The following ACOX3 variants were observed in gnomAD, a reference collection of about 807,000 sequenced individuals.
ACOX3 encodes the protein acyl-CoA oxidase 3, pristanoyl, also known as peroxisomal acyl-coenzyme A oxidase 3.
In ACOX3, 73 loss-of-function variants were observed where a neutral mutation model predicts 81.5. The observed-to-expected ratio is 0.90, with a 90% CI of 0.74 to 1.09. The LOEUF is 1.09. Ranked by LOEUF, ACOX3 falls within the 50% of genes least tolerant of loss-of-function variation. ACOX3 has a pLI of 0.00. For synonymous variants in ACOX3, 387 were observed against 375.1 expected, an observed-to-expected ratio of 1.03 and a Z score of -0.37; for missense variants, 947 against 928.0, an observed-to-expected ratio of 1.02 and a Z score of -0.27.
intron 11 of ACOX3, among the ~76,000 whole-genome samples, chr4:8,390,762 C>G (rs1173985312): frequency 6.6e-6 from 1 of 152,094 alleles, no homozygotes; most frequent in African/African-American, 2.4e-5. Flanking sequence ...ACTGATGGAT[C>G]CTGAGAGCAT....
chr4:8,425,038 G>C (rs943361436), intron 1 of ACOX3, among the ~76,000 whole-genome samples: 1 of 152,200 alleles, frequency 6.6e-6, no homozygotes, highest in African/African-American at 2.4e-5. Context: ...TGCTTACCTA[G>C]TCCTCCATGC....
chr4:8,372,531 C>T (rs1716344574), intron 16 of ACOX3, among the ~76,000 whole-genome samples: 1 of 152,202 alleles, frequency 6.6e-6, no homozygotes, highest in Admixed American at 6.5e-5. Context: ...TAAAATTTGG[C>T]TCTTGGAGGA....
At chr4:8,424,732 GA>G (rs1485756284) in intron 1 of ACOX3, among the ~76,000 whole-genome samples, 6 of 152,350 alleles carry the variant, frequency 3.9e-5, no homozygotes, top group Middle Eastern at 3.4e-3. Flanking sequence ...TCCAGACAAT[GA>G]AGAAAAGATA....
chr4:8,365,238 G>A (rs896447741), downstream of ACOX3, among the ~76,000 whole-genome samples: 1 of 152,336 alleles, frequency 6.6e-6, no homozygotes, highest in African/African-American at 2.4e-5. Context: ...CACCACTGAC[G>A]TGTTCTCTGG....
intron 1 of ACOX3, among the ~76,000 whole-genome samples, chr4:8,425,218 C>T (rs1321626035): frequency 6.6e-6 from 1 of 151,956 alleles, no homozygotes; most frequent in Non-Finnish European, 1.5e-5. Flanking sequence ...AGAAGGGAAC[C>T]GCGAAGCAGA....
chr4:8,420,901 T>C (rs1382060146), intron 1 of ACOX3, among the ~76,000 whole-genome samples: 2 of 152,222 alleles, frequency 1.3e-5, no homozygotes, highest in African/African-American at 2.4e-5. Context: ...GCTAAGTGCC[T>C]GGGTTCGTCC....
Position 8,401,797 on chromosome 4 carries a change from G to A in ACOX3, c.777-2145C>T, listed in dbSNP as rs557131476. Among the ~76,000 whole-genome samples, 4 of 152,282 alleles carry A rather than the reference G, an allele frequency of 2.6e-5. No individual in the cohort carries two copies. In the South Asian group the frequency reaches 6.2e-4, roughly 24 times the overall value. ...TGGTCCTGCCTGCCTGTGGTGCCCC[G>A]TCCACCAGGTTCTCTCCTGGCCTCA... On this transcript the variant is annotated intron_variant, in intron 7 of 17. Coordinates refer to ENST00000356406, the MANE Select transcript of ACOX3 (RefSeq NM_003501.3).
chr4:8,362,293 T>C (rs1715244957), downstream of ACOX3, among the ~76,000 whole-genome samples: 1 of 152,264 alleles, frequency 6.6e-6, no homozygotes, highest in South Asian at 2.1e-4. Context: ...GTAATGTTTT[T>C]AACTTTACTT....
rs969990642 is a variant in ACOX3, at chr4:8,381,742, G to A, written c.1538-135C>T. The A allele has an allele frequency of 7.5e-6, 5 of 664,356 alleles. No individual in the cohort carries two copies. Among genetic ancestry groups the A allele is most frequent in the Non-Finnish European group, 1.3e-5 (5 of 388,270 alleles). The allele number at this position is 664,356 out of a possible 1,614,324, so 41.2% of individuals were successfully genotyped here. ...TCTTCATTGACAACCAAGTGTATGGGGTGGGTCTGATTTTATAGGTAGGGA... is the reference window on the plus strand; with the variant it reads ...TCTTCATTGACAACCAAGTGTATGGAGTGGGTCTGATTTTATAGGTAGGGA... On this transcript the variant is annotated intron_variant, in intron 13 of 17. Transcript: ENST00000356406. This position sits in a 1 kb window ranked among gnomAD's most constrained non-coding sequence, Gnocchi z 4.3.
At chr4:8,412,810 G>A (rs554163211) in intron 5 of ACOX3, among the ~76,000 whole-genome samples, 4 of 152,010 alleles carry the variant, frequency 2.6e-5, no homozygotes, top group South Asian at 2.1e-4. Flanking sequence ...ATCCTCCCTC[G>A]CTGCCCTGCG....
At chr4:8,355,806 A>G in the ACOX3 span, 1 of 152,920 alleles carries the variant, frequency 6.5e-6, no homozygotes, top group African/African-American at 2.4e-5. Flanking sequence ...GCTGTGCTTA[A>G]TATGTACAAA....
At chr4:8,359,034 A>G in the ACOX3 span, among the ~76,000 whole-genome samples, 5 of 152,132 alleles carry the variant, frequency 3.3e-5, no homozygotes, top group African/African-American at 1.2e-4. This position sits in a 1 kb window ranked among gnomAD's most constrained non-coding sequence, Gnocchi z 6.0. Context: ...AAAGAACCAT[A>G]GTGTGGAAAC....
intron 14 of ACOX3, among the ~76,000 whole-genome samples, chr4:8,376,431 CCTATGACGCTG>C (rs372870126): frequency 3.9e-5 from 6 of 152,124 alleles, no homozygotes; most frequent in South Asian, 2.1e-4. Flanking sequence ...GCATGCCTGG[CCTATGACGCTG>C]CTATGACGCT....
At chr4:8,363,449 T>C (rs1715274093), downstream of ACOX3, among the ~76,000 whole-genome samples, 1 of 152,188 alleles carries the variant, frequency 6.6e-6, no homozygotes, top group Non-Finnish European at 1.5e-5. Flanking sequence ...TTCTCTACCC[T>C]GAACAGAAGA....
intron 11 of ACOX3, among the ~76,000 whole-genome samples, chr4:8,390,611 C>T (rs766963917): frequency 6.6e-6 from 1 of 152,236 alleles, no homozygotes; most frequent in Non-Finnish European, 1.5e-5. Context: ...TGGATGCCTT[C>T]ACATATGTTG....
At chr4:8,365,779 A>G (rs975232371), downstream of ACOX3, among the ~76,000 whole-genome samples, 3 of 152,084 alleles carry the variant, frequency 2.0e-5, no homozygotes, top group African/African-American at 7.3e-5. Flanking sequence ...ACCCTTTTCT[A>G]ACATGAAAAT....
At position 8,381,699 on chromosome 4, in the gene ACOX3, C is replaced by T. The variant is rs184901635; in HGVS notation, c.1538-92G>A. On this transcript the variant is annotated intron_variant, in intron 13 of 17. Coordinates refer to ENST00000356406, the MANE Select transcript of ACOX3 (RefSeq NM_003501.3). The surrounding 1 kb of genome is among the most constrained non-coding windows in gnomAD (Gnocchi z 4.3). ...CCCAGGGACAAGGCACTGCCAGCAT[C>T]CTGCAGGTACCAGGTTGTCTTCATT... 28 of 905,424 alleles carry T rather than the reference C, an allele frequency of 3.1e-5. 1 individual carries two copies. In the African/African-American group the frequency reaches 3.3e-4, roughly 11 times the overall value. The allele number at this position is 905,424 out of a possible 1,614,324, so 56.1% of individuals were successfully genotyped here.
intron 8 of ACOX3, among the ~76,000 whole-genome samples, chr4:8,398,512 C>T (rs756535628): frequency 5.3e-5 from 8 of 152,262 alleles, no homozygotes; most frequent in East Asian, 1.9e-4. Flanking sequence ...GACAGGGTCT[C>T]GCTCTGTTGC....
chr4:8,403,528 G>C (rs1356802836), intron 7 of ACOX3, among the ~76,000 whole-genome samples: 1 of 152,232 alleles, frequency 6.6e-6, no homozygotes, highest in Non-Finnish European at 1.5e-5. Context: ...ACCCTGCAGA[G>C]AGACACGGTG....
Sources: allele counts gnomAD v4.1 joint callset (sites outside exome capture counted in the v4.1 genomes callset), GRCh38; gene constraint gnomAD v4.1.1; non-coding constraint Gnocchi (gnomAD v3.1); transcripts MANE v1.5; gene names NCBI Gene and HGNC (gene_info 2026-07-23, HGNC 2026-07-21).